The following RAD51B variants were observed in gnomAD, a reference collection of about 807,000 sequenced individuals.
RAD51B encodes DNA repair protein RAD51 homolog 2.
RAD51B carries 38 observed loss-of-function variants against 42.2 expected under a neutral mutation model. That is an observed-to-expected ratio of 0.90 (90% CI 0.70 to 1.18). The LOEUF (loss-of-function observed/expected upper bound fraction) is 1.18, where lower values mean the gene tolerates loss of function less well. RAD51B is among the 50% of genes most tolerant of loss of function. RAD51B has a pLI of 0.00. For synonymous variants in RAD51B, 154 were observed against 145.2 expected (o/e 1.06, Z -0.43); for missense variants, 373 against 400.7 (o/e 0.93, Z 0.59).
intron 5 of RAD51B, 28 bp downstream of exon 5, chr14:67,865,167 GT>G: frequency 1.9e-6 from 3 of 1,556,734 alleles, no homozygotes; most frequent in Non-Finnish European, 1.7e-6. Context: ...CTATTATAAT[GT>G]TTTACTTTTG....
intron 10 of RAD51B, chr14:68,497,417 A>G (rs1566914337): frequency 2.7e-6 from 3 of 1,113,856 alleles, no homozygotes. Context: ...TGGCACTGAC[A>G]ATGGGCACAC....
At chr14:68,601,722 T>G (rs906247748) in intron 10 of RAD51B, among the ~76,000 whole-genome samples, 2 of 152,158 alleles carry the variant, frequency 1.3e-5, no homozygotes, top group Admixed American at 1.3e-4. Flanking sequence ...CCACAAATGC[T>G]GCCCTCCACA....
At chr14:67,871,069 C>T (rs937399496) in intron 5 of RAD51B, among the ~76,000 whole-genome samples, 5 of 151,950 alleles carry the variant, frequency 3.3e-5, no homozygotes, top group African/African-American at 1.2e-4. Flanking sequence ...TAGCAGAAGG[C>T]AGGAAATAAC....
chr14:68,302,915 G>A (rs1408997329), intron 8 of RAD51B, among the ~76,000 whole-genome samples: 1 of 152,178 alleles, frequency 6.6e-6, no homozygotes, highest in East Asian at 1.9e-4. Flanking sequence ...CTTCCAGCGT[G>A]GGCATTATGG....
intron 7 of RAD51B, among the ~76,000 whole-genome samples, chr14:68,227,959 A>G (rs2080074289): frequency 1.3e-5 from 2 of 152,214 alleles, no homozygotes; most frequent in Non-Finnish European, 2.9e-5. Flanking sequence ...GTCATTATGT[A>G]TTAAGGGCCT....
Position 68,477,725 on chromosome 14 carries a change from G to T in RAD51B, c.*61G>T. 1.9e-6 allele frequency: 3 copies of T among 1,587,794 alleles called. No homozygotes were observed. The highest frequency in any genetic ancestry group is 1.7e-4 in the Middle Eastern group (1 of 5,900). ...GTGATTTGTGAAATAAAACAGGACC[G>T]TACTGCTTGGAAGAAGGAAACGGAA... On this transcript the variant is annotated 3_prime_UTR_variant, in exon 11 of 11. Transcript: ENST00000471583.
chr14:68,156,465 C>CTCTCTG (rs386381659), intron 7 of RAD51B, among the ~76,000 whole-genome samples: 4 of 147,808 alleles, frequency 2.7e-5, no homozygotes, highest in Non-Finnish European at 4.5e-5. Context: ...TTCTCTCTCT[C>CTCTCTG]TCTCTCTCTC....
In RAD51B at chr14:68,679,782, C is replaced by A. The variant is rs190487217; in HGVS notation, c.*11+28926C>A. Among the ~76,000 whole-genome samples the A allele has an allele frequency of 2.6e-5, 4 of 152,354 alleles. No individual in the cohort carries two copies. In the East Asian group the frequency reaches 7.7e-4, roughly 29 times the overall value. On this transcript the variant is annotated intron_variant, in intron 11 of 11. Coordinates refer to the RAD51B transcript ENST00000488612. Reference sequence around the variant, plus strand: ...GGAATTAGCATCTCCTCTTCCACAGCTGTACTTCAGCTGTACCTCAGGCCC... The same window carrying A: ...GGAATTAGCATCTCCTCTTCCACAGATGTACTTCAGCTGTACCTCAGGCCC...
At chr14:68,672,768 T>C (rs915294088) in intron 11 of RAD51B, among the ~76,000 whole-genome samples, 4 of 152,142 alleles carry the variant, frequency 2.6e-5, no homozygotes, top group Non-Finnish European at 4.4e-5. Context: ...CATGAGATCA[T>C]TGCACTCATC....
chr14:68,556,771 T>C (rs1463187392), intron 10 of RAD51B, among the ~76,000 whole-genome samples: 1 of 152,188 alleles, frequency 6.6e-6, no homozygotes, highest in African/African-American at 2.4e-5. Context: ...CAGGGAGGGC[T>C]GGTCACACCA....
At chr14:67,846,607 C>T (rs2041624476) in intron 4 of RAD51B, among the ~76,000 whole-genome samples, 1 of 152,146 alleles carries the variant, frequency 6.6e-6, no homozygotes. Context: ...TCAGCATTAT[C>T]TGCCAGTGAA....
At chr14:68,602,126 T>C (rs537279035) in intron 10 of RAD51B, among the ~76,000 whole-genome samples, 1 of 152,114 alleles carries the variant, frequency 6.6e-6, no homozygotes, top group South Asian at 2.1e-4. Context: ...GGCCCTCCTG[T>C]TCCCTAACTG....
chr14:67,917,973 T>A (rs2044209382), intron 7 of RAD51B, among the ~76,000 whole-genome samples: 1 of 152,082 alleles, frequency 6.6e-6, no homozygotes, highest in Non-Finnish European at 1.5e-5. Flanking sequence ...GAGAATAAAT[T>A]GCTACATGAA....
chr14:68,137,286 A>G (rs969229289), intron 7 of RAD51B, among the ~76,000 whole-genome samples: 3 of 152,194 alleles, frequency 2.0e-5, no homozygotes, highest in African/African-American at 4.8e-5. Flanking sequence ...GAGTTTTGAC[A>G]TTACTAGTAC....
At chr14:68,155,234 C>G (rs1463278345) in intron 7 of RAD51B, among the ~76,000 whole-genome samples, 1 of 151,532 alleles carries the variant, frequency 6.6e-6, no homozygotes, top group Non-Finnish European at 1.5e-5. Flanking sequence ...CTCTATTGCC[C>G]AGGCTGGAGT....
intron 7 of RAD51B, among the ~76,000 whole-genome samples, chr14:68,281,623 G>A (rs2081320910): frequency 6.6e-6 from 1 of 152,170 alleles, no homozygotes; most frequent in Non-Finnish European, 1.5e-5. Flanking sequence ...GATCAGCTAA[G>A]ACCATTCTGT....
At chr14:67,988,464 AT>A (rs1171050526) in intron 7 of RAD51B, among the ~76,000 whole-genome samples, 1 of 152,150 alleles carries the variant, frequency 6.6e-6, no homozygotes, top group Non-Finnish European at 1.5e-5. Context: ...ATCTCAAAAA[AT>A]AAAGAAATAA....
At chr14:68,403,301 CT>C (rs2084168875) in intron 8 of RAD51B, among the ~76,000 whole-genome samples, 1 of 144,824 alleles carries the variant, frequency 6.9e-6, no homozygotes, top group Admixed American at 7.4e-5. Flanking sequence ...GGAGTCATTG[CT>C]TTGTTTTTTT....
intron 10 of RAD51B, among the ~76,000 whole-genome samples, chr14:68,484,580 A>G (rs1159025258): frequency 2.0e-5 from 3 of 151,764 alleles, no homozygotes; most frequent in African/African-American, 7.3e-5. Flanking sequence ...GACGGTCTTG[A>G]TCTCCTGACC....
Sources: allele counts gnomAD v4.1 joint callset (sites outside exome capture counted in the v4.1 genomes callset), GRCh38; gene constraint gnomAD v4.1.1; transcripts MANE v1.5; gene names NCBI Gene and HGNC (gene_info 2026-07-23, HGNC 2026-07-21).